The following NOXA1 variants were observed in gnomAD, a reference collection of about 807,000 sequenced individuals.
NOXA1 encodes NCF2-like protein.
A neutral mutation model predicts 64.8 loss-of-function variants in NOXA1; 56 were observed. The ratio of observed to expected loss-of-function variants is 0.86; its 90% CI spans 0.70 to 1.08. NOXA1 has a LOEUF of 1.08. Ranked by LOEUF, NOXA1 falls within the 50% of genes least tolerant of loss-of-function variation. NOXA1 has a pLI of 0.00. For synonymous variants in NOXA1, 295 were observed against 294.8 expected, an observed-to-expected ratio of 1.00 and a Z score of -0.01; for missense variants, 668 against 658.5, an observed-to-expected ratio of 1.01 and a Z score of -0.16.
Position 137,429,461 on chromosome 9 carries a change from G to T in NOXA1, c.612+78G>T, listed in dbSNP as rs557805178. 23 of 1,045,024 alleles carry T rather than the reference G, an allele frequency of 2.2e-5. No individual in the cohort carries two copies. The African/African-American group carries it at 3.0e-4, about 14-fold the overall frequency. The allele number at this position is 1,045,024 out of a possible 1,614,324, so 64.7% of individuals were successfully genotyped here. A position where few individuals can be genotyped will look rare whatever the true frequency, so the allele number is the denominator to read the frequency against. On this transcript the variant is annotated intron_variant, in intron 5 of 13. Coordinates refer to ENST00000683555, the MANE Select transcript of NOXA1 (RefSeq NM_001256067.2). ...ACTGTGTTCCCAGGGATGGGGGGAGGTGCAGTCCAGGCCACCGTAAGGGCC... is the reference window on the plus strand; with the variant it reads ...ACTGTGTTCCCAGGGATGGGGGGAGTTGCAGTCCAGGCCACCGTAAGGGCC...
intron 8 of NOXA1, among the ~76,000 whole-genome samples, chr9:137,432,484 C>A (rs1252738306): frequency 6.6e-6 from 1 of 151,944 alleles, no homozygotes; most frequent in Non-Finnish European, 1.5e-5. Context: ...GGAGGCAGAG[C>A]CAGGAGAATG....
rs367758816 is a variant in NOXA1, at chr9:137,431,129, C to T, written c.698+29C>T. The T allele has an allele frequency of 4.7e-5, 76 of 1,612,628 alleles. No individual in the cohort carries two copies. The African/African-American group carries it at 5.7e-4, about 12-fold the overall frequency. Reference sequence around the variant, plus strand: ...GGAGGGGCTGACTGGGCCCTGCGAGCGCGTGCCTTTCCTGCTGGGCAGAGG... The same window carrying T: ...GGAGGGGCTGACTGGGCCCTGCGAGTGCGTGCCTTTCCTGCTGGGCAGAGG... On this transcript the variant is annotated intron_variant, in intron 7 of 13. Coordinates refer to ENST00000683555, the MANE Select transcript of NOXA1 (RefSeq NM_001256067.2). The surrounding 1 kb of genome is among the most constrained non-coding windows in gnomAD (Gnocchi z 5.6).
At chr9:137,424,650 C>A (rs1213513936) in intron 1 of NOXA1, among the ~76,000 whole-genome samples, 1 of 152,166 alleles carries the variant, frequency 6.6e-6, no homozygotes, top group Non-Finnish European at 1.5e-5. Flanking sequence ...GTTGGTCAGG[C>A]TGGTCTTGAA....
At chr9:137,433,178 CTG>C (rs1491069311) in intron 9 of NOXA1, 25 bp from the exon 10 acceptor site, 1 of 1,609,450 alleles carries the variant, frequency 6.2e-7, no homozygotes, top group South Asian at 1.1e-5. Flanking sequence ...GTGGTAGTGG[CTG>C]TGTCAGTCTT....
chr9:137,433,219 G>C lies in NOXA1; in HGVS notation c.865G>C (p.Gly289Arg), dbSNP rs1312140063. Residue 289 changes from glycine to arginine, a missense_variant, in exon 10 of 14, where the codon GGG becomes CGG. Physicochemically the swap from Gly to Arg is moderately radical, Grantham distance 125 (BLOSUM62 -2). Coordinates refer to ENST00000683555, the MANE Select transcript of NOXA1 (RefSeq NM_001256067.2). The part of the protein sequence containing the change: ...APLSPGLPAM[G>R]GPGPGPCEDP... ...CTGTCCTACAGGGCTGCCGGCAATG[G>C]GGGGGCCTGGCCCCGGCCCCTGTGA... The C allele has an allele frequency of 1.9e-6, 3 of 1,606,342 alleles. No individual in the cohort carries two copies. The highest frequency in any genetic ancestry group is 1.7e-4 in the Middle Eastern group (1 of 5,992).
Position 137,431,123 on chromosome 9 carries a change from T to G in NOXA1, c.698+23T>G, listed in dbSNP as rs374201628. On this transcript the variant is annotated intron_variant, in intron 7 of 13. Transcript: ENST00000683555. The surrounding 1 kb of genome is among the most constrained non-coding windows in gnomAD (Gnocchi z 5.6). ...CAGGTAGGAGGGGCTGACTGGGCCC[T>G]GCGAGCGCGTGCCTTTCCTGCTGGG... 1.2e-6 allele frequency: 2 copies of G among 1,612,702 alleles called. No individual in the cohort carries two copies. The highest frequency in any genetic ancestry group is 1.3e-5 in the African/African-American group (1 of 74,858).
At position 137,428,155 on chromosome 9, in the gene NOXA1, G is replaced by T. The variant is rs1428240233; in HGVS notation, c.369+14G>T. The T allele has an allele frequency of 6.5e-7, 1 of 1,539,948 alleles. No individual in the cohort carries two copies. Among genetic ancestry groups the T allele is most frequent in the Non-Finnish European group, 8.8e-7 (1 of 1,136,772 alleles). ...CAAGCCTGGGAGGTGAGGCCGGGCA[G>T]GGCTCACTGTGCTGCTGGCTGTGGG... On this transcript the variant is annotated intron_variant, in intron 3 of 13. Coordinates refer to ENST00000683555, the MANE Select transcript of NOXA1 (RefSeq NM_001256067.2).
rs1237062041 is a variant in NOXA1, at chr9:137,433,509, C to T, written c.966C>T (p.Phe322=). ...PLVTVTVQCA[F]TVALRARRGA... is the part of the protein sequence containing the mutation. ...TGACTGTCACCGTGCAGTGCGCCTT[C>T]ACAGTGGCCCTGAGGGCACGAAGAG... Residue 322 remains phenylalanine, a synonymous_variant, in exon 11 of 14, where the codon TTC becomes TTT. Coordinates refer to ENST00000683555, the MANE Select transcript of NOXA1 (RefSeq NM_001256067.2). The T allele has an allele frequency of 1.9e-6, 3 of 1,602,582 alleles. No homozygotes were observed. The highest frequency in any genetic ancestry group is 4.5e-5 in the East Asian group (2 of 44,678).
At chr9:137,428,787 G>A in intron 3 of NOXA1, 95 bp from the exon 4 acceptor site, 1 of 1,327,230 alleles carries the variant, frequency 7.5e-7, no homozygotes, top group Non-Finnish European at 1.0e-6. Flanking sequence ...GGGAGGGGCT[G>A]GGTGGGCAGA....
chr9:137,425,758 A>G (rs1261594351), intron 1 of NOXA1, among the ~76,000 whole-genome samples: 1 of 151,570 alleles, frequency 6.6e-6, no homozygotes, highest in Non-Finnish European at 1.5e-5. Context: ...GTGACAGCCA[A>G]GGTTGCCTGA....
chr9:137,428,236 C>G, intron 3 of NOXA1, 95 bp downstream of exon 3: 2 of 851,980 alleles, frequency 2.3e-6, no homozygotes, highest in East Asian at 2.7e-5. Flanking sequence ...GGGAGCGCCT[C>G]TGGCCGAAGC....
Position 137,432,923 on chromosome 9 carries a change from G to A in NOXA1, c.805-106G>A, listed in dbSNP as rs1839175990. The A allele has an allele frequency of 2.4e-6, 3 of 1,264,912 alleles. No homozygotes were observed. The Admixed American group carries it at 5.9e-5, about 25-fold the overall frequency. 78.4% of individuals were successfully genotyped at this position (1,264,912 alleles called of 1,614,324 possible). ...AACACCCACAGACCACCTGCTGGGT[G>A]CTGGCCGGGCACACAGGCCACACCC... is the stretch of plus-strand genomic sequence containing the variant. On this transcript the variant is annotated intron_variant, in intron 8 of 13. Transcript: ENST00000683555.
rs1412187048 is a variant in NOXA1, at chr9:137,423,634, G to A, written c.105G>A (p.Ala35=). ...TGCACCTCTTCTCGGGCGTCCCGGCGCCGCCCGCCAGGCTGTGCTTCAACG... is the reference window on the plus strand; with the variant it reads ...TGCACCTCTTCTCGGGCGTCCCGGCACCGCCCGCCAGGCTGTGCTTCAACG... ...RALHLFSGVP[A]PPARLCFNAG... The change falls in exon 1 of 14, where the codon GCG becomes GCA. Residue 35 remains alanine (A), a synonymous_variant. Transcript: ENST00000683555. The A allele has an allele frequency of 2.1e-6, 3 of 1,438,050 alleles. No individual in the cohort carries two copies. The highest frequency in any genetic ancestry group is 2.9e-5 in the African/African-American group (2 of 67,854). The allele number at this position is 1,438,050 out of a possible 1,614,324, so 89.1% of individuals were successfully genotyped here. A position where few individuals can be genotyped will look rare whatever the true frequency, so the allele number is the denominator to read the frequency against.
intron 13 of NOXA1, 24 bp from the exon 14 acceptor site, chr9:137,434,200 C>T: frequency 1.9e-6 from 3 of 1,599,588 alleles, no homozygotes; most frequent in Non-Finnish European, 2.6e-6. Context: ...TAACGCCCTG[C>T]AGAGCCCGAT....
intron 5 of NOXA1, among the ~76,000 whole-genome samples, chr9:137,430,020 GGGGTGCCTGTGTCTCTGCC>G: frequency 7.9e-6 from 1 of 126,936 alleles, no homozygotes; most frequent in Non-Finnish European, 1.6e-5. Context: ...GGTCCCGGGG[GGGGTGCCTGTGTCTCTGCC>G]ACAGCTAGCG....
Position 137,431,195 on chromosome 9 carries a change from G to T in NOXA1, c.699-41G>T. 1 of 1,609,480 alleles carries T rather than the reference G, an allele frequency of 6.2e-7. No individual in the cohort carries two copies. Among genetic ancestry groups the T allele is most frequent in the South Asian group, 1.1e-5 (1 of 90,928 alleles). ...CACGCGGGCCGGGCACAGGAGGGCA[G>T]TCAGATGGGCAGGGCCTGAGAGCCT... On this transcript the variant is annotated intron_variant, in intron 7 of 13. Coordinates refer to ENST00000683555, the MANE Select transcript of NOXA1 (RefSeq NM_001256067.2). This position sits in a 1 kb window ranked among gnomAD's most constrained non-coding sequence, Gnocchi z 5.6.
intron 5 of NOXA1, among the ~76,000 whole-genome samples, chr9:137,429,687 A>G (rs1839003384): frequency 6.6e-6 from 1 of 152,144 alleles, no homozygotes; most frequent in Non-Finnish European, 1.5e-5. Context: ...ACAGCCTTGC[A>G]GCCTCCCAGA....
intron 3 of NOXA1, among the ~76,000 whole-genome samples, chr9:137,428,429 C>CTG (rs1838933656): frequency 6.6e-6 from 1 of 151,840 alleles, no homozygotes; most frequent in South Asian, 2.1e-4. Context: ...CCACCCTCCA[C>CTG]TGTGCCCCCA....
At chr9:137,430,670 C>A in intron 5 of NOXA1, 114 bp from the exon 6 acceptor site, 1 of 835,926 alleles carries the variant, frequency 1.2e-6, no homozygotes, top group Non-Finnish European at 1.8e-6. Flanking sequence ...GCATGGGCAG[C>A]TGTCACCCAG....
Sources: allele counts gnomAD v4.1 joint callset (sites outside exome capture counted in the v4.1 genomes callset), GRCh38; gene constraint gnomAD v4.1.1; non-coding constraint Gnocchi (gnomAD v3.1); transcripts MANE v1.5; gene names NCBI Gene and HGNC (gene_info 2026-07-23, HGNC 2026-07-21).